TTYH3: variants seen among roughly 807,000 people sequenced by gnomAD.
TTYH3 encodes the protein tweety family member 3.
In TTYH3, 23 loss-of-function variants were observed where a neutral mutation model predicts 68.2. The observed-to-expected ratio is 0.34, with a 90% CI of 0.24 to 0.48. The LOEUF (loss-of-function observed/expected upper bound fraction) is 0.48. TTYH3 is among the 20% of genes least tolerant of loss of function. The probability of loss-of-function intolerance (pLI) is 0.99; values close to 1 mark genes in which losing one functional copy is unlikely to be tolerated. For missense variants in TTYH3, 768 were observed against 727.7 expected (o/e 1.06, Z -0.64); for synonymous variants, 360 against 332.8 (o/e 1.08, Z -0.89).
intron 1 of TTYH3, among the ~76,000 whole-genome samples, chr7:2,640,908 G>A (rs1428844275): frequency 6.6e-6 from 1 of 152,250 alleles, no homozygotes; most frequent in Non-Finnish European, 1.5e-5. Context: ...CGCCTTACAA[G>A]TGCGGAGCCA....
Position 2,664,050 on chromosome 7 carries a change from C to T in TTYH3, c.*2311C>T, listed in dbSNP as rs1786560494. 6.6e-6 allele frequency: 1 copy of T among 152,542 alleles called. No homozygotes were observed. Among genetic ancestry groups the T allele is most frequent in the Non-Finnish European group, 1.5e-5 (1 of 68,116 alleles). The allele number at this position is 152,542 out of a possible 1,614,324, so 9.4% of individuals were successfully genotyped here. A position where few individuals can be genotyped will look rare whatever the true frequency, so the allele number is the denominator to read the frequency against. On this transcript the variant is annotated 3_prime_UTR_variant, in exon 14 of 14. Transcript: ENST00000258796. ...TGCCATGGCCAGCCCCCACTCTCACCCTGCACAGGGGGTCTTGCAGCCCCC... is the reference window on the plus strand; with the variant it reads ...TGCCATGGCCAGCCCCCACTCTCACTCTGCACAGGGGGTCTTGCAGCCCCC...
intron 1 of TTYH3, among the ~76,000 whole-genome samples, chr7:2,633,578 G>GC (rs1237338450): frequency 6.6e-6 from 1 of 152,248 alleles, no homozygotes; most frequent in Non-Finnish European, 1.5e-5. Context: ...TAGAAGCCCA[G>GC]CCCTGGGGGA....
intron 5 of TTYH3, among the ~76,000 whole-genome samples, chr7:2,648,938 G>A (rs1294339202): frequency 6.6e-6 from 1 of 151,508 alleles, no homozygotes; most frequent in African/African-American, 2.4e-5. Context: ...GTGGGGTGTG[G>A]GGCCCGCAGT....
At chr7:2,647,874 C>A in intron 4 of TTYH3, 85 bp from the exon 5 acceptor site, 1 of 1,496,458 alleles carries the variant, frequency 6.7e-7, no homozygotes, top group Non-Finnish European at 9.2e-7. Context: ...GGCTGCTGGC[C>A]TCAGCTCCCC....
chr7:2,652,371 G>A, intron 8 of TTYH3, 129 bp downstream of exon 8: 1 of 815,902 alleles, frequency 1.2e-6, no homozygotes, highest in Non-Finnish European at 2.0e-6. Context: ...GGAGGGAGCT[G>A]GACAAAGGCT....
intron 1 of TTYH3, among the ~76,000 whole-genome samples, chr7:2,638,535 G>T (rs10281932): frequency 0.3 from 46,327 of 152,024 alleles, 7,407 homozygotes; most frequent in African/African-American, 0.39. Flanking sequence ...GGGAGCCCCG[G>T]GGGGTGTGGG....
At chr7:2,632,685 G>A (rs565904628) in intron 1 of TTYH3, among the ~76,000 whole-genome samples, 1 of 152,348 alleles carries the variant, frequency 6.6e-6, no homozygotes, top group East Asian at 1.9e-4. Context: ...TCCCAGCAGA[G>A]ACCCCTCCCC....
intron 1 of TTYH3, among the ~76,000 whole-genome samples, chr7:2,641,413 A>G (rs1433709294): frequency 1.0e-5 from 1 of 95,918 alleles, no homozygotes; most frequent in Non-Finnish European, 2.1e-5. Context: ...GGGGTGGCCC[A>G]GGGCCGAGAC....
At chr7:2,659,877 G>T in intron 13 of TTYH3, 1 of 1,274,076 alleles carries the variant, frequency 7.8e-7, no homozygotes, top group Non-Finnish European at 1.0e-6. Flanking sequence ...CCACACCCTG[G>T]CGTTGAGGCC....
chr7:2,650,646 C>T (rs571710041), intron 7 of TTYH3, among the ~76,000 whole-genome samples: 5 of 151,158 alleles, frequency 3.3e-5, no homozygotes, highest in Admixed American at 6.6e-5. Flanking sequence ...GAGGCAGACC[C>T]GAGGGGAGAA....
chr7:2,651,471 C>T (rs373453646), intron 7 of TTYH3, among the ~76,000 whole-genome samples: 107 of 152,344 alleles, frequency 7.0e-4, no homozygotes, highest in African/African-American at 2.2e-3. Context: ...GTGCTACCCA[C>T]CACTGTCCTT....
rs1294999886 is a variant in TTYH3, at chr7:2,658,288, G to A, written c.1253G>A (p.Gly418Asp). 6.4e-7 allele frequency: 1 copy of A among 1,573,466 alleles called. No homozygotes were observed. Among genetic ancestry groups the A allele is most frequent in the Admixed American group, 1.8e-5 (1 of 54,824 alleles). ...SVPHTWQQKR[G>D]PDEDGEEEAA... ...GTGCTGCGTGTCCCTCCTCACAGAG[G>A]CCCTGATGAGGACGGGGAGGAGGAG... Residue 418 changes from glycine (G) to aspartate (D), a missense_variant and splice_region_variant, in exon 12 of 14, where the codon GGC becomes GAC. By Grantham distance (94) the Gly-to-Asp change is moderately conservative. Transcript: ENST00000258796.
At position 2,658,412 on chromosome 7, in the gene TTYH3, C is replaced by T. The variant is rs1388741569; in HGVS notation, c.1377C>T (p.Ile459=). 2.5e-6 allele frequency: 4 copies of T among 1,612,204 alleles called. No homozygotes were observed. In the South Asian group the frequency reaches 3.3e-5, roughly 13 times the overall value. Residue 459 remains isoleucine, a synonymous_variant, in exon 12 of 14, where the codon ATC becomes ATT. Coordinates refer to ENST00000258796, the MANE Select transcript of TTYH3 (RefSeq NM_025250.3). Reference sequence around the variant, plus strand: ...GCAGCTACGGCAGTGAGACCAGCATCCCGGCCGCGGCCCACACCGTCAGCA... The same window carrying T: ...GCAGCTACGGCAGTGAGACCAGCATTCCGGCCGCGGCCCACACCGTCAGCA... The part of the protein sequence containing the change: ...CGSSYGSETS[I]PAAAHTVSNA...
Position 2,641,201 on chromosome 7 carries a change from C to T in TTYH3, c.124-5652C>T, listed in dbSNP as rs138258224. Among the ~76,000 whole-genome samples the T allele has an allele frequency of 4.7e-3, 718 of 152,330 alleles. 3 individuals carry two copies. Among genetic ancestry groups the T allele is most frequent in the African/African-American group, 0.016 (680 of 41,558 alleles). ...GGCCCAGGGTATACTGGGATCCTAT[C>T]GGTAGCAACCTGATCTGGGACAGAG... On this transcript the variant is annotated intron_variant, in intron 1 of 13. Transcript: ENST00000258796.
At chr7:2,644,828 C>T (rs1391577553) in intron 1 of TTYH3, among the ~76,000 whole-genome samples, 4 of 152,166 alleles carry the variant, frequency 2.6e-5, no homozygotes, top group African/African-American at 9.7e-5. Context: ...GTGTGGACGT[C>T]GGCCGGCTTC....
In TTYH3 at chr7:2,661,835, C is replaced by T. The variant is rs1387842250; in HGVS notation, c.*96C>T. 4 of 1,323,062 alleles carry T rather than the reference C, an allele frequency of 3.0e-6. No homozygotes were observed. In the African/African-American group the frequency reaches 5.8e-5, roughly 19 times the overall value. 82.0% of individuals were successfully genotyped at this position (1,323,062 alleles called of 1,614,324 possible). A position where few individuals can be genotyped will look rare whatever the true frequency, so the allele number is the denominator to read the frequency against. On this transcript the variant is annotated 3_prime_UTR_variant, in exon 14 of 14. Transcript: ENST00000258796. ...GGGCCACCCACCGGACCCTCGCACG[C>T]CGTGCCAGGCCTGCCCCAGACGCGT...
In TTYH3 at chr7:2,656,584, G is replaced by A. The variant is rs574819199; in HGVS notation, c.1250+50G>A. On this transcript the variant is annotated intron_variant, in intron 11 of 13. Coordinates refer to ENST00000258796, the MANE Select transcript of TTYH3 (RefSeq NM_025250.3). Reference sequence around the variant, plus strand: ...GAGCTTGCCCCAGGCCACATGGCATGCGGGACACTTCAGGGGCATGCCTTT... The same window carrying A: ...GAGCTTGCCCCAGGCCACATGGCATACGGGACACTTCAGGGGCATGCCTTT... 2.7e-5 allele frequency: 42 copies of A among 1,579,056 alleles called. No individual in the cohort carries two copies. The Admixed American group carries it at 5.7e-4, about 22-fold the overall frequency.
At chr7:2,634,953 G>T (rs1583552484) in intron 1 of TTYH3, among the ~76,000 whole-genome samples, 1 of 152,120 alleles carries the variant, frequency 6.6e-6, no homozygotes, top group Non-Finnish European at 1.5e-5. Flanking sequence ...GTGACCGTGG[G>T]ATTAGAAGCT....
At chr7:2,648,297 C>T (rs545996378) in intron 5 of TTYH3, 117 of 501,512 alleles carry the variant, frequency 2.3e-4, no homozygotes, top group Non-Finnish European at 3.5e-4. Flanking sequence ...AGAGTCTGCA[C>T]GTGGGGCACT....
Sources: gnomAD v4.1 joint callset for allele counts (sites outside exome capture counted in the v4.1 genomes callset) on GRCh38, gnomAD v4.1.1 for gene constraint, MANE v1.5 for transcripts, NCBI Gene and HGNC (gene_info 2026-07-23, HGNC 2026-07-21) for gene names.